The following ANK2 variants were observed in gnomAD, a reference collection of about 807,000 sequenced individuals.
ANK2 encodes ankyrin 2.
A neutral mutation model predicts 360.5 loss-of-function variants in ANK2; 83 were observed. The observed-to-expected ratio is 0.23, with a 90% CI of 0.19 to 0.28. The LOEUF (loss-of-function observed/expected upper bound fraction) is 0.28, where lower values mean the gene tolerates loss of function less well. ANK2 is among the 10% of genes least tolerant of loss of function. ANK2 has a pLI of 1.00. For synonymous variants in ANK2, 1,740 were observed against 1,759.5 expected (o/e 0.99, Z 0.28); for missense variants, 4,201 against 4,795.7 (o/e 0.88, Z 3.66).
intron 1 of ANK2, among the ~76,000 whole-genome samples, chr4:112,857,638 A>T (rs986751308): frequency 5.9e-5 from 9 of 152,192 alleles, no homozygotes; most frequent in Non-Finnish European, 1.0e-4. Context: ...ACATGTTACT[A>T]TGCTGCAGTG....
At chr4:112,878,817 A>G (rs1368589095) in intron 1 of ANK2, among the ~76,000 whole-genome samples, 4 of 151,362 alleles carry the variant, frequency 2.6e-5, no homozygotes, top group African/African-American at 7.3e-5. Context: ...TTGTATTTTT[A>G]GTAGAGACGG....
chr4:113,334,307 T>G (rs1259581497), intron 29 of ANK2, among the ~76,000 whole-genome samples: 2 of 152,028 alleles, frequency 1.3e-5, no homozygotes, highest in African/African-American at 4.8e-5. Flanking sequence ...AAAATCAGGG[T>G]TTTTATTAAT....
At chr4:113,371,979 T>C (rs928149888) in intron 43 of ANK2, among the ~76,000 whole-genome samples, 2 of 152,234 alleles carry the variant, frequency 1.3e-5, no homozygotes, top group African/African-American at 4.8e-5. Flanking sequence ...TTATCTCAAC[T>C]TCTCCATAGA....
chr4:112,773,570 T>G, the ANK2 span, among the ~76,000 whole-genome samples: 1 of 152,154 alleles, frequency 6.6e-6, no homozygotes, highest in Non-Finnish European at 1.5e-5. Flanking sequence ...GGGAATCCAC[T>G]TTTTTGGGGA....
chr4:112,887,568 T>A (rs2078767466), intron 1 of ANK2, among the ~76,000 whole-genome samples: 1 of 152,202 alleles, frequency 6.6e-6, no homozygotes, highest in South Asian at 2.1e-4. Flanking sequence ...TGTTTCATAT[T>A]TCCCTGTTGT....
intron 2 of ANK2, among the ~76,000 whole-genome samples, chr4:113,181,010 G>T (rs1461612053): frequency 6.6e-6 from 1 of 152,130 alleles, no homozygotes; most frequent in Non-Finnish European, 1.5e-5. Flanking sequence ...AGTAACACCT[G>T]TCTAATATTT....
intron 26 of ANK2, among the ~76,000 whole-genome samples, chr4:113,325,769 A>G (rs2089457834): frequency 6.6e-6 from 1 of 152,140 alleles, no homozygotes; most frequent in African/African-American, 2.4e-5. Context: ...AAGGAAGATG[A>G]TGGGAACAAG....
chr4:112,885,537 C>G (rs2078069421), intron 1 of ANK2, among the ~76,000 whole-genome samples: 1 of 151,356 alleles, frequency 6.6e-6, no homozygotes, highest in South Asian at 2.1e-4. Context: ...TGGCTCACGC[C>G]TGTAATCCCA....
intron 37 of ANK2, among the ~76,000 whole-genome samples, chr4:113,351,103 T>G (rs1353677014): frequency 6.6e-6 from 1 of 152,124 alleles, no homozygotes; most frequent in African/African-American, 2.4e-5. Flanking sequence ...GTGTGGAAAC[T>G]CCAGTTGAAT....
intron 26 of ANK2, among the ~76,000 whole-genome samples, chr4:113,328,464 T>C (rs2091194361): frequency 6.6e-6 from 1 of 152,234 alleles, no homozygotes; most frequent in African/African-American, 2.4e-5. Context: ...ATTTTCATTC[T>C]TTTGAGCAAC....
At chr4:113,244,211 A>G (rs1378805523) in intron 9 of ANK2, among the ~76,000 whole-genome samples, 3 of 151,282 alleles carry the variant, frequency 2.0e-5, no homozygotes, top group Non-Finnish European at 4.4e-5. Flanking sequence ...TATACATTGT[A>G]TAAACATTCC....
intron 1 of ANK2, among the ~76,000 whole-genome samples, chr4:113,173,846 C>T (rs745332046): frequency 1.3e-5 from 2 of 152,124 alleles, no homozygotes; most frequent in African/African-American, 2.4e-5. Flanking sequence ...TCCACACCTG[C>T]GAAGTAGTGC....
At chr4:113,163,282 C>T (rs2154404408) in intron 1 of ANK2, among the ~76,000 whole-genome samples, 1 of 152,182 alleles carries the variant, frequency 6.6e-6, no homozygotes, top group Non-Finnish European at 1.5e-5. Flanking sequence ...TAAAGCTCAC[C>T]ATTTGCACTC....
intron 16 of ANK2, 55 bp downstream of exon 16, chr4:113,277,990 G>T: frequency 6.7e-7 from 1 of 1,483,400 alleles, no homozygotes; most frequent in Non-Finnish European, 9.4e-7. Flanking sequence ...TAGATTAGGA[G>T]ATCTGTAAAG....
At chr4:113,159,765 G>A (rs527580438) in intron 1 of ANK2, among the ~76,000 whole-genome samples, 4 of 146,342 alleles carry the variant, frequency 2.7e-5, no homozygotes, top group Admixed American at 6.9e-5. Context: ...CCACCACCAC[G>A]CCCGGCTAAT....
chr4:113,218,246 G>C (rs2099109200), intron 4 of ANK2, among the ~76,000 whole-genome samples: 1 of 152,304 alleles, frequency 6.6e-6, no homozygotes, highest in East Asian at 1.9e-4. Context: ...GACATGGAGT[G>C]AGAATAGCAT....
intron 2 of ANK2, among the ~76,000 whole-genome samples, chr4:112,970,505 C>T (rs2039123409): frequency 6.6e-6 from 1 of 152,118 alleles, no homozygotes; most frequent in Non-Finnish European, 1.5e-5. Flanking sequence ...CAGGTGTGCA[C>T]CACCATGCCC....
chr4:112,803,582 C>T, the ANK2 span, among the ~76,000 whole-genome samples: 3 of 152,052 alleles, frequency 2.0e-5, no homozygotes, highest in African/African-American at 7.2e-5. Flanking sequence ...ACAATCCTGT[C>T]GACATCTTGA....
rs914461851 is a variant in ANK2 at position 113,330,441 on chromosome 4, A to G, written c.3096A>G (p.Glu1032=). 6.2e-7 allele frequency: 1 copy of G among 1,614,104 alleles called. No homozygotes were observed. Among genetic ancestry groups the G allele is most frequent in the Non-Finnish European group, 8.5e-7 (1 of 1,180,046 alleles). The change falls in exon 27 of 46, where the codon GAA becomes GAG. Residue 1032 remains glutamate (E), a synonymous_variant. Transcript: ENST00000357077. ...EGEGLASRLI[E]VGPSGAQFLG... ...AAGGCCTGGCCAGTCGCCTGATCGAAGTTGGACCTTCTGGTGCTCAGTTCC... is the reference window on the plus strand; with the variant it reads ...AAGGCCTGGCCAGTCGCCTGATCGAGGTTGGACCTTCTGGTGCTCAGTTCC...
Sources: gnomAD v4.1 joint callset for allele counts (sites outside exome capture counted in the v4.1 genomes callset) on GRCh38, gnomAD v4.1.1 for gene constraint, MANE v1.5 for transcripts, NCBI Gene and HGNC (gene_info 2026-07-23, HGNC 2026-07-21) for gene names.